Variants in SLC1A3 observed in about 807,000 individuals in gnomAD.
SLC1A3 encodes solute carrier family 1 member 3.
In SLC1A3, 21 loss-of-function variants were observed where a neutral mutation model predicts 48.1. The observed-to-expected ratio is 0.44, with a 90% CI of 0.31 to 0.63. The LOEUF (loss-of-function observed/expected upper bound fraction) is 0.63. Among genes scored for constraint, SLC1A3 ranks in the 20% least tolerant of loss-of-function variants. SLC1A3 has a pLI of 0.08. For missense variants in SLC1A3, 546 were observed against 689.0 expected, an observed-to-expected ratio of 0.79 and a Z score of 2.32; for synonymous variants, 239 against 251.4, an observed-to-expected ratio of 0.95 and a Z score of 0.47.
intron 3 of SLC1A3, among the ~76,000 whole-genome samples, chr5:36,633,207 T>C (rs1043125320): frequency 2.0e-5 from 3 of 152,258 alleles, no homozygotes; most frequent in African/African-American, 7.2e-5. Flanking sequence ...ACCTCCTCAC[T>C]TCTGAATCTT....
chr5:36,686,964 G>C lies in SLC1A3; in HGVS notation c.*695G>C, dbSNP rs569386185. On this transcript the variant is annotated 3_prime_UTR_variant, in exon 10 of 10. Transcript: ENST00000265113. ...GATGTCATGAAAGCACCTGCCCTCTGTTTCCCCTCAGAACACCCTGTACCA... is the reference window on the plus strand; with the variant it reads ...GATGTCATGAAAGCACCTGCCCTCTCTTTCCCCTCAGAACACCCTGTACCA... 1.7e-4 allele frequency: 27 copies of C among 155,254 alleles called. No homozygotes were observed. The South Asian group carries it at 5.0e-3, about 29-fold the overall frequency. 9.6% of individuals were successfully genotyped at this position (155,254 alleles called of 1,614,324 possible).
At chr5:36,681,455 T>A (rs1742438970) in intron 8 of SLC1A3, among the ~76,000 whole-genome samples, 1 of 152,224 alleles carries the variant, frequency 6.6e-6, no homozygotes, top group African/African-American at 2.4e-5. Context: ...CTTTTTCTCT[T>A]GGGTGAATTT....
chr5:36,667,078 T>C (rs1323926667), intron 3 of SLC1A3, among the ~76,000 whole-genome samples: 1 of 152,230 alleles, frequency 6.6e-6, no homozygotes, highest in Non-Finnish European at 1.5e-5. Context: ...GGAGAAATGA[T>C]TGCTTGCTTG....
intron 9 of SLC1A3, among the ~76,000 whole-genome samples, chr5:36,685,571 C>A (rs115134900): frequency 6.6e-6 from 1 of 152,162 alleles, no homozygotes; most frequent in Admixed American, 6.5e-5. Context: ...CCACGGTGCC[C>A]GGCCTCGACC....
chr5:36,663,185 G>A (rs1200382726), intron 3 of SLC1A3, among the ~76,000 whole-genome samples: 3 of 151,850 alleles, frequency 2.0e-5, no homozygotes, highest in Non-Finnish European at 1.5e-5. Context: ...TTTCTCTTTT[G>A]CTTTTCTACA....
At chr5:36,635,165 G>A (rs578239926) in intron 3 of SLC1A3, among the ~76,000 whole-genome samples, 9 of 148,014 alleles carry the variant, frequency 6.1e-5, no homozygotes, top group African/African-American at 1.8e-4. Flanking sequence ...CTACCCGTAC[G>A]TTGTATTGAA....
At chr5:36,643,952 C>T (rs1238433705) in intron 3 of SLC1A3, among the ~76,000 whole-genome samples, 1 of 151,742 alleles carries the variant, frequency 6.6e-6, no homozygotes, top group East Asian at 1.9e-4. Flanking sequence ...CAAGATTGGG[C>T]CATTGCATTC....
At chr5:36,617,982 A>C (rs62354633) in intron 2 of SLC1A3, among the ~76,000 whole-genome samples, 16,772 of 152,158 alleles carry the variant, frequency 0.11, 1,356 homozygotes, top group East Asian at 0.29. Context: ...GTCATTTGCT[A>C]CAAATGTGGG....
intron 2 of SLC1A3, among the ~76,000 whole-genome samples, chr5:36,617,010 C>T (rs1739463165): frequency 6.6e-6 from 1 of 152,194 alleles, no homozygotes. Flanking sequence ...TCTGACTTTG[C>T]AGTGCTTTCC....
Position 36,608,491 on chromosome 5 carries a change from G to T in SLC1A3, c.68G>T (p.Arg23Leu). 6.2e-7 allele frequency: 1 copy of T among 1,613,970 alleles called. No homozygotes were observed. Among genetic ancestry groups the T allele is most frequent in the South Asian group, 1.1e-5 (1 of 91,082 alleles). ...ATGGAGAGATTCCAGCAGGGAGTCC[G>T]TAAACGCACACTTTTGGCCAAGAAG... Reference protein sequence around the residue: ...GRMERFQQGVRKRTLLAKKKV... With the variant: ...GRMERFQQGVLKRTLLAKKKV... The change falls in exon 2 of 10, where the codon CGT becomes CTT. Residue 23 changes from arginine to leucine, a missense_variant. Arg to Leu is a moderately radical substitution (Grantham distance 102, BLOSUM62 -2). Coordinates refer to ENST00000265113, the MANE Select transcript of SLC1A3 (RefSeq NM_004172.5).
chr5:36,599,985 A>G (rs1057482374), intron 1 of SLC1A3, among the ~76,000 whole-genome samples: 1 of 152,018 alleles, frequency 6.6e-6, no homozygotes, highest in Non-Finnish European at 1.5e-5. Flanking sequence ...CTATTTATTA[A>G]TTGAGGTATC....
chr5:36,686,718 A>T lies in SLC1A3; in HGVS notation c.*449A>T. ...TGAATTACAACCGGTTATCAGTTGGACAGTAAGATTTTATCCCTTTCTCTT... is the reference window on the plus strand; with the variant it reads ...TGAATTACAACCGGTTATCAGTTGGTCAGTAAGATTTTATCCCTTTCTCTT... On this transcript the variant is annotated 3_prime_UTR_variant, in exon 10 of 10. Coordinates refer to ENST00000265113, the MANE Select transcript of SLC1A3 (RefSeq NM_004172.5). 1 of 264,788 alleles carries T rather than the reference A, an allele frequency of 3.8e-6. No homozygotes were observed. The highest frequency in any genetic ancestry group is 7.3e-6 in the Non-Finnish European group (1 of 136,214). 16.4% of individuals were successfully genotyped at this position (264,788 alleles called of 1,614,324 possible).
intron 3 of SLC1A3, among the ~76,000 whole-genome samples, chr5:36,651,825 T>A (rs1401472552): frequency 1.3e-5 from 2 of 152,134 alleles, no homozygotes; most frequent in Non-Finnish European, 2.9e-5. Context: ...AGTTATTTTA[T>A]AAAGTGTTGT....
At chr5:36,664,934 A>C (rs746391524) in intron 3 of SLC1A3, among the ~76,000 whole-genome samples, 10 of 152,154 alleles carry the variant, frequency 6.6e-5, no homozygotes, top group Non-Finnish European at 1.3e-4. Flanking sequence ...GTGGTGAGTA[A>C]TAAGTGGAAG....
At chr5:36,626,490 G>A (rs561592919) in intron 2 of SLC1A3, among the ~76,000 whole-genome samples, 3 of 152,164 alleles carry the variant, frequency 2.0e-5, no homozygotes, top group Admixed American at 2.0e-4. Context: ...GTCTTCAACT[G>A]TTGTTTGCAG....
In SLC1A3 at chr5:36,658,271, A is replaced by T. The variant is rs565199324; in HGVS notation, c.320-12758A>T. Among the ~76,000 whole-genome samples the T allele has an allele frequency of 1.4e-4, 22 of 152,158 alleles. 1 individual carries two copies. The South Asian group carries it at 4.6e-3, about 32-fold the overall frequency. On this transcript the variant is annotated intron_variant, in intron 3 of 9. Coordinates refer to ENST00000265113, the MANE Select transcript of SLC1A3 (RefSeq NM_004172.5). ...AGAGCAAAGAGACAGAGACAGGAAA[A>T]CCCAAGGCATGTCTAGGGAATGCTG... is the stretch of plus-strand genomic sequence containing the variant.
chr5:36,665,120 G>A (rs930910863), intron 3 of SLC1A3, among the ~76,000 whole-genome samples: 1 of 152,036 alleles, frequency 6.6e-6, no homozygotes, highest in South Asian at 2.1e-4. Flanking sequence ...ATTAATTGGG[G>A]GAAGATCAAC....
chr5:36,625,332 C>T (rs2033267), intron 2 of SLC1A3, among the ~76,000 whole-genome samples: 81,254 of 152,016 alleles, frequency 0.53, 22,832 homozygotes, highest in Admixed American at 0.64. Context: ...TTGGTTCATG[C>T]CTGTAATCAC....
At chr5:36,646,348 T>C (rs1281895489) in intron 3 of SLC1A3, among the ~76,000 whole-genome samples, 2 of 152,248 alleles carry the variant, frequency 1.3e-5, no homozygotes, top group Non-Finnish European at 2.9e-5. Flanking sequence ...GTTTTGCTTT[T>C]TCAGATTTAT....
Sources: gnomAD v4.1 joint callset for allele counts (sites outside exome capture counted in the v4.1 genomes callset) on GRCh38, gnomAD v4.1.1 for gene constraint, MANE v1.5 for transcripts, NCBI Gene and HGNC (gene_info 2026-07-23, HGNC 2026-07-21) for gene names.